The following PCDH7 variants were observed in gnomAD, a reference collection of about 807,000 sequenced individuals.
PCDH7 encodes the protein protocadherin 7, also known as protocadherin-7.
PCDH7 carries 17 observed loss-of-function variants against 58.9 expected under a neutral mutation model. The ratio of observed to expected loss-of-function variants is 0.29; its 90% CI spans 0.20 to 0.43. The LOEUF (loss-of-function observed/expected upper bound fraction) is 0.43, where lower values mean the gene tolerates loss of function less well. Among genes scored for constraint, PCDH7 ranks in the 20% least tolerant of loss-of-function variants. The probability of loss-of-function intolerance (pLI) is 1.00; values close to 1 mark genes in which losing one functional copy is unlikely to be tolerated. For missense variants in PCDH7, 1,274 were observed against 1,441.0 expected, an observed-to-expected ratio of 0.88 and a Z score of 1.88; for synonymous variants, 664 against 616.4, an observed-to-expected ratio of 1.08 and a Z score of -1.14.
In PCDH7 at chr4:30,841,959, A is replaced by AT. The variant is rs1259581469; in HGVS notation, c.71-78192dup. Among the ~76,000 whole-genome samples, 7 of 151,856 alleles carry AT rather than the reference A, an allele frequency of 4.6e-5. 1 individual carries two copies. The highest frequency in any genetic ancestry group is 8.8e-5 in the Non-Finnish European group (6 of 68,018). ...CTAGAATAGGTGTCAGCAGGTTAAT[A>AT]TTATATATTTTTTTAGGAATGTTGA... On this transcript the variant is annotated intron_variant, in intron 1 of 3. Coordinates refer to the PCDH7 transcript ENST00000509759.
chr4:30,808,923 G>A (rs1251727225), intron 1 of PCDH7, among the ~76,000 whole-genome samples: 2 of 151,998 alleles, frequency 1.3e-5, no homozygotes, highest in African/African-American at 4.8e-5. Context: ...GCTACTATTT[G>A]TAACCCACTT....
At chr4:31,142,584 A>C (rs2109349733) in exon 4 of PCDH7, 1 of 1,367,758 alleles carries the variant, frequency 7.3e-7, no homozygotes, top group South Asian at 1.1e-5. Flanking sequence ...CCGGAGAGGA[A>C]GAAGAGCCAG....
At position 31,051,840 on chromosome 4, in the gene PCDH7, C is replaced by T. The variant is rs7657171; in HGVS notation, c.*8-90633C>T. 8.2e-5 allele frequency among the ~76,000 whole-genome samples: 12 copies of T among 147,092 alleles called. 1 individual carries two copies. Among genetic ancestry groups the T allele is most frequent in the South Asian group, 2.2e-4 (1 of 4,612 alleles). ...AGCATTGTTGGGTGTGTGTGGGGGG[C>T]GGGTAGGGGAATTGTTCATGATATT... is the stretch of plus-strand genomic sequence containing the variant. On this transcript the variant is annotated intron_variant, in intron 3 of 3. Coordinates refer to the PCDH7 transcript ENST00000509759.
At chr4:30,830,519 C>T (rs746282666) in intron 1 of PCDH7, among the ~76,000 whole-genome samples, 13 of 151,894 alleles carry the variant, frequency 8.6e-5, no homozygotes, top group Non-Finnish European at 1.5e-4. Flanking sequence ...TTTAATCATC[C>T]TTCACGCTCC....
intron 1 of PCDH7, among the ~76,000 whole-genome samples, chr4:30,821,302 G>A (rs559907488): frequency 5.9e-5 from 9 of 152,306 alleles, no homozygotes; most frequent in East Asian, 1.9e-4. Flanking sequence ...TCAGCCAAGC[G>A]ATGGGTCAGA....
At chr4:30,887,763 A>G (rs1393969893) in intron 1 of PCDH7, among the ~76,000 whole-genome samples, 4 of 152,092 alleles carry the variant, frequency 2.6e-5, no homozygotes, top group African/African-American at 7.2e-5. Context: ...ATTAACTTAG[A>G]CTCAATGAAG....
At chr4:31,115,908 G>A (rs1716930775) in intron 3 of PCDH7, among the ~76,000 whole-genome samples, 2 of 152,088 alleles carry the variant, frequency 1.3e-5, no homozygotes, top group Non-Finnish European at 2.9e-5. Context: ...ATTGTATCCA[G>A]AGGCCTTAAG....
chr4:30,858,571 A>C (rs1396878275), intron 1 of PCDH7, among the ~76,000 whole-genome samples: 1 of 152,220 alleles, frequency 6.6e-6, no homozygotes, highest in Non-Finnish European at 1.5e-5. Context: ...AGCTAGGCAC[A>C]TTAATAGGAT....
intron 3 of PCDH7, among the ~76,000 whole-genome samples, chr4:31,125,696 C>A (rs1578864489): frequency 6.6e-6 from 1 of 152,292 alleles, no homozygotes; most frequent in East Asian, 1.9e-4. Context: ...CAGAGGATCT[C>A]AAGGGTGAAC....
rs57257786 is a variant in PCDH7, at chr4:30,962,776, TAAA to T, written c.*7+12588_*7+12590del. On this transcript the variant is annotated intron_variant, in intron 3 of 3. Coordinates refer to the PCDH7 transcript ENST00000509759. ...TGGGGGTCAGAATGAGACCCAGTCT[TAAA>T]AAAAAAAAAAAAAAAAAAAAAAAAA... is the stretch of plus-strand genomic sequence containing the variant. Among the ~76,000 whole-genome samples the T allele has an allele frequency of 8.6e-4, 61 of 70,618 alleles. 1 individual carries two copies. Among genetic ancestry groups the T allele is most frequent in the Admixed American group, 1.9e-3 (11 of 5,848 alleles). 46.3% of individuals were successfully genotyped at this position (70,618 alleles called of 152,430 possible).
chr4:31,124,775 A>G (rs1035563244), intron 3 of PCDH7, among the ~76,000 whole-genome samples: 3 of 152,186 alleles, frequency 2.0e-5, no homozygotes, highest in Non-Finnish European at 4.4e-5. Flanking sequence ...TTCTTTTCCA[A>G]TAGAAGAAAC....
At chr4:31,110,666 A>C (rs1716173204) in intron 3 of PCDH7, among the ~76,000 whole-genome samples, 1 of 152,186 alleles carries the variant, frequency 6.6e-6, no homozygotes, top group Non-Finnish European at 1.5e-5. Context: ...CTGTAATCCC[A>C]GCGCTTTAGG....
intron 3 of PCDH7, among the ~76,000 whole-genome samples, chr4:31,102,666 T>TC (rs1251012059): frequency 1.4e-5 from 2 of 141,134 alleles, no homozygotes; most frequent in African/African-American, 2.7e-5. Flanking sequence ...AGAGCAAAAC[T>TC]CCATCTCAAA....
intron 3 of PCDH7, among the ~76,000 whole-genome samples, chr4:31,031,608 C>T (rs1193150374): frequency 6.6e-6 from 1 of 151,944 alleles, no homozygotes; most frequent in African/African-American, 2.4e-5. Context: ...CTTCCCAATA[C>T]CAACTAATAA....
chr4:30,869,522 G>A (rs1735281412), intron 1 of PCDH7, among the ~76,000 whole-genome samples: 1 of 152,134 alleles, frequency 6.6e-6, no homozygotes, highest in African/African-American at 2.4e-5. Flanking sequence ...TTATGAATGA[G>A]AACATGTGGT....
In PCDH7 at chr4:30,990,208, G is replaced by GA. The variant is rs199623215; in HGVS notation, c.*7+40002dup. ...ATTTAAAAATTTTGTGCCTAAAGAG[G>GA]AAAAAAAAACATGCAATGATAGCCT... On this transcript the variant is annotated intron_variant, in intron 3 of 3. Coordinates refer to the PCDH7 transcript ENST00000509759. Among the ~76,000 whole-genome samples, 43 of 148,292 alleles carry GA rather than the reference G, an allele frequency of 2.9e-4. No individual in the cohort carries two copies. In the East Asian group the frequency reaches 5.1e-3, roughly 18 times the overall value.
At chr4:30,796,129 C>T (rs1724741086) in intron 1 of PCDH7, among the ~76,000 whole-genome samples, 1 of 152,194 alleles carries the variant, frequency 6.6e-6, no homozygotes, top group African/African-American at 2.4e-5. Flanking sequence ...GCTGCTGCTA[C>T]ATCATTTTTC....
intron 3 of PCDH7, among the ~76,000 whole-genome samples, chr4:31,025,087 T>G (rs777753857): frequency 6.6e-6 from 1 of 152,194 alleles, no homozygotes; most frequent in Admixed American, 6.5e-5. Flanking sequence ...TGAATAACCT[T>G]ATGGAGAAAT....
chr4:30,999,569 A>G (rs1752181361), intron 3 of PCDH7, among the ~76,000 whole-genome samples: 1 of 152,148 alleles, frequency 6.6e-6, no homozygotes, highest in African/African-American at 2.4e-5. Flanking sequence ...TTATTCGGCA[A>G]TATATCTAAA....
Sources: allele counts gnomAD v4.1 joint callset (sites outside exome capture counted in the v4.1 genomes callset), GRCh38; gene constraint gnomAD v4.1.1; transcripts MANE v1.5; gene names NCBI Gene and HGNC (gene_info 2026-07-23, HGNC 2026-07-21).